Variants in SLC6A5 observed in about 807,000 individuals in gnomAD.
SLC6A5 encodes the protein solute carrier family 6 member 5, also known as sodium- and chloride-dependent glycine transporter 2.
Under a neutral mutation model 90.5 loss-of-function variants are expected in SLC6A5, and 58 were observed. That is an observed-to-expected ratio of 0.64 (90% CI 0.52 to 0.80). SLC6A5 has a LOEUF of 0.80. Among genes scored for constraint, SLC6A5 ranks in the 30% least tolerant of loss-of-function variants. SLC6A5 has a pLI of 0.00. For missense variants in SLC6A5, 1,015 were observed against 1,017.6 expected (o/e 1.00, Z 0.03); for synonymous variants, 427 against 401.4 (o/e 1.06, Z -0.76).
chr11:20,621,939 G>A (rs866699083), intron 7 of SLC6A5, among the ~76,000 whole-genome samples: 4 of 152,198 alleles, frequency 2.6e-5, no homozygotes, highest in African/African-American at 9.7e-5. Flanking sequence ...CCTCAGGGGC[G>A]CCTCTGCCTG....
At chr11:20,620,885 C>T (rs867448158) in intron 7 of SLC6A5, among the ~76,000 whole-genome samples, 7 of 151,988 alleles carry the variant, frequency 4.6e-5, no homozygotes, top group African/African-American at 1.7e-4. Context: ...CTGCAACCTC[C>T]ACCTCCTGGG....
At chr11:20,600,971 A>G (rs992429554) in intron 1 of SLC6A5, among the ~76,000 whole-genome samples, 158 bp from the exon 2 acceptor site, 2 of 152,198 alleles carry the variant, frequency 1.3e-5, no homozygotes, top group African/African-American at 2.4e-5. Flanking sequence ...ATTGAGAAAT[A>G]CTGATTGCAG....
In SLC6A5 at chr11:20,656,784, A is replaced by C. The variant is rs1166303261; in HGVS notation, c.*1916A>C. 1 of 152,108 alleles carries C rather than the reference A, an allele frequency of 6.6e-6. No individual in the cohort carries two copies. Among genetic ancestry groups the C allele is most frequent in the Non-Finnish European group, 1.5e-5 (1 of 68,038 alleles). 9.4% of individuals were successfully genotyped at this position (152,108 alleles called of 1,614,324 possible). Reference sequence around the variant, plus strand: ...AAGCTCAAACTTGCTTGAGTCTATCATAGAGACTAAACCTTGAGCTTCCCC... The same window carrying C: ...AAGCTCAAACTTGCTTGAGTCTATCCTAGAGACTAAACCTTGAGCTTCCCC... On this transcript the variant is annotated 3_prime_UTR_variant, in exon 16 of 16. Transcript: ENST00000525748.
intron 13 of SLC6A5, 50 bp downstream of exon 13, chr11:20,638,608 A>G: frequency 9.3e-7 from 1 of 1,075,640 alleles, no homozygotes; most frequent in Non-Finnish European, 1.4e-6. Context: ...AGTGTCGGTA[A>G]GGCATTCATG....
intron 3 of SLC6A5, among the ~76,000 whole-genome samples, chr11:20,605,573 A>G (rs1852562979): frequency 6.6e-6 from 1 of 152,248 alleles, no homozygotes; most frequent in African/African-American, 2.4e-5. Context: ...CCCTCAGGCC[A>G]GGATGCTACA....
chr11:20,631,788 T>G (rs1853114166), intron 10 of SLC6A5, among the ~76,000 whole-genome samples: 1 of 152,184 alleles, frequency 6.6e-6, no homozygotes, highest in Non-Finnish European at 1.5e-5. Flanking sequence ...TTATCTTCCT[T>G]CAAGGAGCTG....
Position 20,610,246 on chromosome 11 carries a change from TCCCTCGCGGGTGGA to T in SLC6A5, c.985+2598_985+2611del, listed in dbSNP as rs567395115. ...GCTCTCTGATGAGATGGCCCATCAT[TCCCTCGCGGGTGGA>T]CCCGAAGGCTCCGGGCGCTGGGAAG... On this transcript the variant is annotated intron_variant, in intron 5 of 15. Transcript: ENST00000525748. Among the ~76,000 whole-genome samples, 9 of 152,312 alleles carry T rather than the reference TCCCTCGCGGGTGGA, an allele frequency of 5.9e-5. No homozygotes were observed. In the East Asian group the frequency reaches 1.7e-3, roughly 29 times the overall value.
rs376783257 is a variant in SLC6A5, at chr11:20,604,316, C to G, written c.571C>G (p.Arg191Gly). The G allele has an allele frequency of 1.9e-6, 3 of 1,613,590 alleles. No individual in the cohort carries two copies. Among genetic ancestry groups the G allele is most frequent in the Admixed American group, 1.7e-5 (1 of 59,986 alleles). The change falls in exon 3 of 16, where the codon CGA (arginine) becomes GGA (glycine). Residue 191 changes from arginine (R) to glycine (G), a missense_variant. Coordinates refer to ENST00000525748, the MANE Select transcript of SLC6A5 (RefSeq NM_004211.5). Reference protein sequence around the residue: ...EDEQGDENKARGNWSSKLDFI... With the variant: ...EDEQGDENKAGGNWSSKLDFI... ...CGAGCAAGGGGATGAGAATAAGGCC[C>G]GAGGGAACTGGTCCAGCAAACTGGA...
At chr11:20,624,725 A>G (rs576267545) in intron 7 of SLC6A5, among the ~76,000 whole-genome samples, 28 of 152,308 alleles carry the variant, frequency 1.8e-4, no homozygotes, top group African/African-American at 6.7e-4. Context: ...GAGAGCCCAG[A>G]GTGGGCCTGG....
At position 20,627,965 on chromosome 11, in the gene SLC6A5, C is replaced by T. The variant is rs749693900; in HGVS notation, c.1396-15C>T. ...CCTTCATGGGTCTTGAATCTCTTTCCCTTTTGCCTCTCAGGTGTGGAAAGA... is the reference window on the plus strand; with the variant it reads ...CCTTCATGGGTCTTGAATCTCTTTCTCTTTTGCCTCTCAGGTGTGGAAAGA... On this transcript the variant is annotated splice_polypyrimidine_tract_variant and intron_variant, in intron 8 of 15. Transcript: ENST00000525748. The T allele has an allele frequency of 2.5e-6, 4 of 1,604,812 alleles. No individual in the cohort carries two copies. Among genetic ancestry groups the T allele is most frequent in the Middle Eastern group, 1.7e-4 (1 of 6,030 alleles).
intron 5 of SLC6A5, among the ~76,000 whole-genome samples, chr11:20,609,922 C>T (rs1852662421): frequency 6.6e-6 from 1 of 152,210 alleles, no homozygotes; most frequent in African/African-American, 2.4e-5. Context: ...TGACTCAACT[C>T]TCCAAGTATC....
chr11:20,612,280 A>G (rs1852709163), intron 5 of SLC6A5, among the ~76,000 whole-genome samples: 1 of 152,202 alleles, frequency 6.6e-6, no homozygotes, highest in African/African-American at 2.4e-5. Flanking sequence ...GCTAAAATTT[A>G]TTGAGTGCCA....
intron 3 of SLC6A5, among the ~76,000 whole-genome samples, chr11:20,605,788 C>T (rs905313262): frequency 4.6e-5 from 7 of 152,236 alleles, no homozygotes; most frequent in African/African-American, 1.7e-4. Context: ...GCTCGAGGCC[C>T]CTCAGCCCTC....
chr11:20,616,850 G>A (rs1206646955), intron 6 of SLC6A5, among the ~76,000 whole-genome samples: 1 of 152,210 alleles, frequency 6.6e-6, no homozygotes, highest in Admixed American at 6.5e-5. Context: ...TCCTTCAGCA[G>A]GTCAGAATTC....
intron 1 of SLC6A5, among the ~76,000 whole-genome samples, chr11:20,600,441 T>C (rs1027845409): frequency 6.6e-6 from 1 of 151,988 alleles, no homozygotes; most frequent in African/African-American, 2.4e-5. Flanking sequence ...AAGCTTTGCA[T>C]ATTCTTTTCC....
Position 20,637,257 on chromosome 11 carries a change from G to A in SLC6A5, c.1823G>A (p.Gly608Asp). 2.5e-6 allele frequency: 4 copies of A among 1,613,790 alleles called. No individual in the cohort carries two copies. Among genetic ancestry groups the A allele is most frequent in the Non-Finnish European group, 3.4e-6 (4 of 1,179,906 alleles). The change falls in exon 12 of 16, where the codon GGC becomes GAC. Residue 608 changes from glycine (G) to aspartate (D), a missense_variant. Gly to Asp is a moderately conservative substitution (Grantham distance 94, BLOSUM62 -1). Coordinates refer to ENST00000525748, the MANE Select transcript of SLC6A5 (RefSeq NM_004211.5). ...LRTHKPVFTL[G>D]CCICFFIMGF... ...ACACACAAGCCAGTGTTTACTCTGGGCTGCTGCATTTGTTTCTTCATCATG... is the reference window on the plus strand; with the variant it reads ...ACACACAAGCCAGTGTTTACTCTGGACTGCTGCATTTGTTTCTTCATCATG...
At chr11:20,648,277 A>AT (rs1266112963) in intron 14 of SLC6A5, among the ~76,000 whole-genome samples, 2 of 152,064 alleles carry the variant, frequency 1.3e-5, no homozygotes, top group Non-Finnish European at 2.9e-5. Flanking sequence ...GAGGGAATAC[A>AT]TTTTTTTCTT....
chr11:20,638,966 G>A (rs1420713263), intron 13 of SLC6A5, among the ~76,000 whole-genome samples: 1 of 152,108 alleles, frequency 6.6e-6, no homozygotes, highest in African/African-American at 2.4e-5. Context: ...CTGGTCCCTG[G>A]GTACTGTAGT....
At chr11:20,618,482 C>A (rs1235523071) in intron 7 of SLC6A5, among the ~76,000 whole-genome samples, 4 of 152,152 alleles carry the variant, frequency 2.6e-5, no homozygotes, top group Non-Finnish European at 5.9e-5. Flanking sequence ...TGGTAAGGGT[C>A]AGTTAGTGAT....
Sources: allele counts gnomAD v4.1 joint callset (sites outside exome capture counted in the v4.1 genomes callset), GRCh38; gene constraint gnomAD v4.1.1; transcripts MANE v1.5; gene names NCBI Gene and HGNC (gene_info 2026-07-23, HGNC 2026-07-21).